Variants in CNTN5 observed in about 807,000 individuals in gnomAD.
CNTN5 encodes the protein contactin-5.
CNTN5 carries 77 observed loss-of-function variants against 129.1 expected under a neutral mutation model. The observed-to-expected ratio is 0.60, with a 90% CI of 0.50 to 0.72. The LOEUF (loss-of-function observed/expected upper bound fraction) is 0.72. Among genes scored for constraint, CNTN5 ranks in the 30% least tolerant of loss-of-function variants. CNTN5 has a pLI of 0.00. For missense variants in CNTN5, 1,478 were observed against 1,328.8 expected, an observed-to-expected ratio of 1.11 and a Z score of -1.75; for synonymous variants, 509 against 465.6, an observed-to-expected ratio of 1.09 and a Z score of -1.20.
At chr11:99,107,490 C>T (rs1206509146) in intron 1 of CNTN5, among the ~76,000 whole-genome samples, 1 of 151,778 alleles carries the variant, frequency 6.6e-6, no homozygotes, top group Non-Finnish European at 1.5e-5. Context: ...AATAATTATG[C>T]TTAGTTATTT....
At chr11:99,363,094 T>C (rs1591575995) in intron 2 of CNTN5, among the ~76,000 whole-genome samples, 1 of 152,286 alleles carries the variant, frequency 6.6e-6, no homozygotes, top group South Asian at 2.1e-4. Flanking sequence ...ACTCAATCTA[T>C]AGATTGCTGT....
chr11:99,169,368 C>G (rs1565373115), intron 1 of CNTN5, among the ~76,000 whole-genome samples: 1 of 73,560 alleles, frequency 1.4e-5, no homozygotes, highest in African/African-American at 3.7e-5. Context: ...ATGCAATAAG[C>G]TATATGTGTG....
intron 21 of CNTN5, among the ~76,000 whole-genome samples, chr11:100,336,592 G>A (rs570737024): frequency 6.6e-6 from 1 of 152,074 alleles, no homozygotes; most frequent in African/African-American, 2.4e-5. Flanking sequence ...ACTTTAATTT[G>A]GTTTCAAGTG....
At chr11:99,211,891 G>C (rs1190029084) in intron 1 of CNTN5, among the ~76,000 whole-genome samples, 1 of 151,762 alleles carries the variant, frequency 6.6e-6, no homozygotes, top group Non-Finnish European at 1.5e-5. Context: ...TCATTTGTTT[G>C]GGTTTCTTTA....
At chr11:99,057,971 T>C (rs1565282597) in intron 1 of CNTN5, among the ~76,000 whole-genome samples, 5 of 152,016 alleles carry the variant, frequency 3.3e-5, no homozygotes, top group Admixed American at 2.6e-4. Context: ...AATAATATTC[T>C]AGGTAGAGGA....
At chr11:99,608,458 G>A (rs1950497055) in intron 3 of CNTN5, among the ~76,000 whole-genome samples, 1 of 152,188 alleles carries the variant, frequency 6.6e-6, no homozygotes, top group Non-Finnish European at 1.5e-5. Context: ...TTTATTTGGA[G>A]ATTGGGCCTT....
At chr11:99,140,834 G>T (rs1392836460) in intron 1 of CNTN5, among the ~76,000 whole-genome samples, 1 of 151,018 alleles carries the variant, frequency 6.6e-6, no homozygotes, top group Non-Finnish European at 1.5e-5. Context: ...TGAATCACAG[G>T]GCTCAAGCCT....
chr11:99,269,621 T>C (rs1054180770), intron 1 of CNTN5, among the ~76,000 whole-genome samples: 3 of 151,898 alleles, frequency 2.0e-5, no homozygotes, highest in African/African-American at 7.2e-5. Context: ...TCCAGAGATA[T>C]CTTATATTAA....
At chr11:99,032,070 T>C (rs1863414984) in intron 1 of CNTN5, among the ~76,000 whole-genome samples, 1 of 152,030 alleles carries the variant, frequency 6.6e-6, no homozygotes, top group Admixed American at 6.6e-5. Flanking sequence ...TCCAATTTCA[T>C]CCACGTCCCT....
chr11:99,037,620 A>T (rs1863808614), intron 1 of CNTN5, among the ~76,000 whole-genome samples: 1 of 118,962 alleles, frequency 8.4e-6, no homozygotes, highest in South Asian at 2.6e-4. Context: ...TCGCTCTCTT[A>T]CCCAGGGTGG....
At chr11:99,213,007 T>C (rs1381806450) in intron 1 of CNTN5, among the ~76,000 whole-genome samples, 3 of 151,622 alleles carry the variant, frequency 2.0e-5, no homozygotes, top group Non-Finnish European at 1.5e-5. Context: ...CTGGCTAACA[T>C]GGTGAAACCC....
chr11:99,125,281 T>C (rs1858567327), intron 1 of CNTN5, among the ~76,000 whole-genome samples: 1 of 152,054 alleles, frequency 6.6e-6, no homozygotes, highest in African/African-American at 2.4e-5. Flanking sequence ...ACTTCATTCC[T>C]GGGACATAAG....
At chr11:99,319,027 T>G (rs1475470482) in intron 1 of CNTN5, among the ~76,000 whole-genome samples, 1 of 152,212 alleles carries the variant, frequency 6.6e-6, no homozygotes, top group Non-Finnish European at 1.5e-5. Context: ...TGGACTGTGC[T>G]ATTCCAGATT....
intron 1 of CNTN5, among the ~76,000 whole-genome samples, chr11:99,310,515 C>A (rs1420505736): frequency 6.6e-6 from 1 of 152,030 alleles, no homozygotes; most frequent in Non-Finnish European, 1.5e-5. Flanking sequence ...TTTTGCCCTT[C>A]TTTACCCTTT....
chr11:99,680,883 C>A (rs560972055), intron 3 of CNTN5, among the ~76,000 whole-genome samples: 1 of 151,602 alleles, frequency 6.6e-6, no homozygotes, highest in Non-Finnish European at 1.5e-5. Context: ...AATTAAAAAC[C>A]TTTTGATAAG....
rs1368844904 is a variant in CNTN5 at position 99,039,092 on chromosome 11, C to A, written c.-210+17822C>A. 2.0e-5 allele frequency among the ~76,000 whole-genome samples: 3 copies of A among 151,914 alleles called. No individual in the cohort carries two copies. The East Asian group carries it at 5.8e-4, about 29-fold the overall frequency. ...GACTTGTTTTCAAATTAATATTAAA[C>A]GATTGAAAATTTTGAAAACTGAATT... On this transcript the variant is annotated intron_variant, in intron 1 of 24. Transcript: ENST00000524871.
chr11:99,468,694 G>A (rs1945043402), intron 2 of CNTN5, among the ~76,000 whole-genome samples: 1 of 149,128 alleles, frequency 6.7e-6, no homozygotes, highest in Non-Finnish European at 1.5e-5. Flanking sequence ...TTTCAGTGGA[G>A]ATTTCAAAGA....
chr11:99,815,817 G>A (rs868118036), intron 3 of CNTN5, among the ~76,000 whole-genome samples: 10 of 152,220 alleles, frequency 6.6e-5, no homozygotes, highest in Middle Eastern at 3.4e-3. Flanking sequence ...TCAAGTATTG[G>A]CATTTCTGTC....
intron 21 of CNTN5, among the ~76,000 whole-genome samples, chr11:100,328,813 G>A (rs143246233): frequency 6.6e-6 from 1 of 152,200 alleles, no homozygotes; most frequent in East Asian, 1.9e-4. Flanking sequence ...ATAGGTGGCA[G>A]AACTAGCTTG....
Sources: allele counts gnomAD v4.1 joint callset (sites outside exome capture counted in the v4.1 genomes callset), GRCh38; gene constraint gnomAD v4.1.1; transcripts MANE v1.5; gene names NCBI Gene and HGNC (gene_info 2026-07-23, HGNC 2026-07-21).